Variants in RABGAP1L observed in about 807,000 individuals in gnomAD.
The protein encoded by RABGAP1L is rab GTPase-activating protein 1-like.
Under a neutral mutation model 137.7 loss-of-function variants are expected in RABGAP1L, and 63 were observed. That is an observed-to-expected ratio of 0.46 (90% confidence interval 0.37 to 0.56). RABGAP1L has a LOEUF of 0.56. RABGAP1L is among the 20% of genes least tolerant of loss of function. The pLI is 0.00. For synonymous variants in RABGAP1L, 431 were observed against 433.7 expected (o/e 0.99, Z 0.08); for missense variants, 1,095 against 1,244.0 (o/e 0.88, Z 1.80).
intron 19 of RABGAP1L, among the ~76,000 whole-genome samples, chr1:174,851,447 C>T (rs538311010): frequency 1.6e-5 from 2 of 127,958 alleles, no homozygotes; most frequent in Non-Finnish European, 3.5e-5. Flanking sequence ...TTTTTTATAT[C>T]TGTCTCAGTC....
intron 19 of RABGAP1L, among the ~76,000 whole-genome samples, chr1:174,833,408 G>GTGTGTGTGTGTATATATA (rs754029582): frequency 4.4e-5 from 3 of 67,616 alleles, no homozygotes; most frequent in African/African-American, 8.2e-5. Context: ...GTGTATGTGT[G>GTGTGTGTGTGTATATATA]TATGTGTGTG....
At chr1:174,454,326 G>T (rs910529478) in intron 13 of RABGAP1L, among the ~76,000 whole-genome samples, 2 of 152,082 alleles carry the variant, frequency 1.3e-5, no homozygotes, top group Non-Finnish European at 2.9e-5. Context: ...AACAGCTTAT[G>T]TTGATAGTAC....
At chr1:174,388,830 A>G (rs1687004615) in intron 12 of RABGAP1L, among the ~76,000 whole-genome samples, 1 of 152,116 alleles carries the variant, frequency 6.6e-6, no homozygotes, top group African/African-American at 2.4e-5. Context: ...TGGGTATTGG[A>G]TTATTACATC....
intron 17 of RABGAP1L, among the ~76,000 whole-genome samples, chr1:174,739,283 A>G (rs1282868969): frequency 1.3e-5 from 2 of 152,188 alleles, no homozygotes; most frequent in African/African-American, 4.8e-5. Context: ...CATAAAAGCT[A>G]ATTACTAATA....
At chr1:174,893,142 A>C (rs778354606) in intron 19 of RABGAP1L, 3 of 240,242 alleles carry the variant, frequency 1.2e-5, no homozygotes, top group Non-Finnish European at 2.7e-5. Flanking sequence ...CCCTGTGTGC[A>C]TACTGCTTTA....
intron 13 of RABGAP1L, among the ~76,000 whole-genome samples, chr1:174,564,599 C>T (rs551778481): frequency 2.0e-5 from 3 of 152,274 alleles, no homozygotes; most frequent in South Asian, 4.1e-4. Context: ...TCTTATTCTG[C>T]TTCCTGTACT....
chr1:174,666,622 C>T (rs915152560), intron 14 of RABGAP1L, among the ~76,000 whole-genome samples: 6 of 152,160 alleles, frequency 3.9e-5, no homozygotes, highest in African/African-American at 1.4e-4. Context: ...TAGAGAACAT[C>T]CTTTGATTTC....
At chr1:174,521,504 T>C (rs1437338286) in intron 13 of RABGAP1L, among the ~76,000 whole-genome samples, 3 of 152,212 alleles carry the variant, frequency 2.0e-5, no homozygotes, top group Non-Finnish European at 4.4e-5. Context: ...AAAGGACTTC[T>C]GGTTAGATAC....
intron 13 of RABGAP1L, among the ~76,000 whole-genome samples, chr1:174,453,894 CTATTT>C (rs879864708): frequency 1.3e-5 from 2 of 151,912 alleles, no homozygotes; most frequent in African/African-American, 4.8e-5. Flanking sequence ...TTCTTCATGA[CTATTT>C]TGTTTTAATT....
chr1:174,615,678 G>C (rs1671766726), intron 13 of RABGAP1L, among the ~76,000 whole-genome samples: 1 of 152,256 alleles, frequency 6.6e-6, no homozygotes, highest in Non-Finnish European at 1.5e-5. Context: ...CCTGCCCCCA[G>C]AGGTGGAGCC....
intron 19 of RABGAP1L, among the ~76,000 whole-genome samples, chr1:174,946,918 ATATATATAT>A (rs1430895766): frequency 4.6e-5 from 2 of 43,370 alleles, no homozygotes; most frequent in African/African-American, 1.7e-4. Flanking sequence ...AAAAAAAAAA[ATATATATAT>A]ATATATATAT....
chr1:174,894,540 A>G (rs1219343825), intron 19 of RABGAP1L, among the ~76,000 whole-genome samples: 1 of 152,182 alleles, frequency 6.6e-6, no homozygotes, highest in Non-Finnish European at 1.5e-5. Flanking sequence ...GAAAATAAAT[A>G]TATTTTATCT....
At chr1:174,874,003 A>G (rs867179585) in intron 19 of RABGAP1L, among the ~76,000 whole-genome samples, 5 of 152,200 alleles carry the variant, frequency 3.3e-5, no homozygotes, top group African/African-American at 1.2e-4. Context: ...GACTCATAGT[A>G]TGACCCAGGT....
At chr1:174,793,096 C>T (rs1687981365) in intron 18 of RABGAP1L, among the ~76,000 whole-genome samples, 2 of 151,840 alleles carry the variant, frequency 1.3e-5, no homozygotes, top group South Asian at 4.2e-4. Context: ...TATGCCACTG[C>T]ACTCCAGCCT....
intron 13 of RABGAP1L, among the ~76,000 whole-genome samples, chr1:174,458,553 G>T (rs796562661): frequency 6.6e-6 from 1 of 151,748 alleles, no homozygotes; most frequent in South Asian, 2.1e-4. Context: ...TGATTCCAGT[G>T]GTTTTTCAGC....
chr1:174,383,007 C>T (rs959295949), intron 12 of RABGAP1L, among the ~76,000 whole-genome samples: 8 of 151,084 alleles, frequency 5.3e-5, no homozygotes, highest in South Asian at 2.1e-4. Flanking sequence ...TTCCTTCTAA[C>T]AGACAGGACC....
intron 11 of RABGAP1L, among the ~76,000 whole-genome samples, chr1:174,348,244 A>C (rs916132588): frequency 6.6e-6 from 1 of 150,408 alleles, no homozygotes; most frequent in Non-Finnish European, 1.5e-5. Context: ...TGACAGCTTA[A>C]CACTGATTGC....
At chr1:174,238,518 T>A (rs1671435037) in intron 4 of RABGAP1L, among the ~76,000 whole-genome samples, 1 of 152,218 alleles carries the variant, frequency 6.6e-6, no homozygotes, top group African/African-American at 2.4e-5. Context: ...TCTGTTGGAA[T>A]ACCCTGCAGT....
chr1:174,578,464 A>T (rs1383054979), intron 13 of RABGAP1L, among the ~76,000 whole-genome samples: 1 of 152,026 alleles, frequency 6.6e-6, no homozygotes, highest in Non-Finnish European at 1.5e-5. Context: ...GTGAGTTACC[A>T]AGCCTAGGCA....
Sources: gnomAD v4.1 joint callset for allele counts (sites outside exome capture counted in the v4.1 genomes callset) on GRCh38, gnomAD v4.1.1 for gene constraint, MANE v1.5 for transcripts, NCBI Gene and HGNC (gene_info 2026-07-23, HGNC 2026-07-21) for gene names.